The following ZNF585A variants were observed in gnomAD, a reference collection of about 807,000 sequenced individuals.
ZNF585A encodes zinc finger protein 585A.
A neutral mutation model predicts 14.9 loss-of-function variants in ZNF585A; 9 were observed. The observed-to-expected ratio is 0.60, with a 90% CI of 0.36 to 1.05. The LOEUF is 1.05. Ranked by LOEUF, ZNF585A falls within the 50% of genes least tolerant of loss-of-function variation. ZNF585A has a pLI of 0.01. For synonymous variants in ZNF585A, 276 were observed against 319.9 expected (o/e 0.86, Z 1.46); for missense variants, 726 against 926.4 (o/e 0.78, Z 2.81).
rs775963031 is a variant in ZNF585A at position 37,151,105 on chromosome 19, T to A, written c.*484A>T. 3.4e-4 allele frequency: 123 copies of A among 363,902 alleles called. No individual in the cohort carries two copies. The highest frequency in any genetic ancestry group is 5.0e-4 in the Admixed American group (11 of 22,058). 22.5% of individuals were successfully genotyped at this position (363,902 alleles called of 1,614,324 possible). The stretch of plus-strand genomic sequence containing the variant: ...TATGACCAACTGTGGTAGATTCGAA[T>A]GAGAAAGAAAAACACCCAGGAGTCT... On this transcript the variant is annotated 3_prime_UTR_variant, in exon 5 of 5. Coordinates refer to ENST00000292841, the MANE Select transcript of ZNF585A (RefSeq NM_001288800.2).
intron 2 of ZNF585A, 145 bp from the exon 3 acceptor site, chr19:37,156,500 T>G (rs1259665711): frequency 5.2e-6 from 6 of 1,157,066 alleles, no homozygotes; most frequent in Non-Finnish European, 7.0e-6. Context: ...AATACTTTAT[T>G]ATGAAAATTT....
chr19:37,161,164 C>T (rs985199207), intron 2 of ZNF585A, among the ~76,000 whole-genome samples: 1 of 101,682 alleles, frequency 9.8e-6, no homozygotes, highest in Admixed American at 1.3e-4. Flanking sequence ...ATGTCAAAAT[C>T]AGACAAACAC....
chr19:37,158,249 C>T (rs899197794), intron 2 of ZNF585A, among the ~76,000 whole-genome samples: 4 of 152,100 alleles, frequency 2.6e-5, no homozygotes, highest in African/African-American at 9.7e-5. Context: ...AATTAAAATA[C>T]CACCATGTAT....
chr19:37,152,232 C>T lies in ZNF585A; in HGVS notation c.1667G>A (p.Gly556Glu). 1 of 1,613,926 alleles carries T rather than the reference C, an allele frequency of 6.2e-7. No homozygotes were observed. Among genetic ancestry groups the T allele is most frequent in the Non-Finnish European group, 8.5e-7 (1 of 1,179,988 alleles). The part of the protein sequence containing the change: ...GERQYECHEC[G>E]KAFNQKSILI... ...TATTGATTTCTGGTTGAAGGCTTTCCCACATTCGTGGCATTCATACTGTCT... is the reference window on the plus strand; with the variant it reads ...TATTGATTTCTGGTTGAAGGCTTTCTCACATTCGTGGCATTCATACTGTCT... The change falls in exon 5 of 5, where the codon GGG becomes GAG. Residue 556 changes from glycine to glutamate, a missense_variant. Coordinates refer to ENST00000292841, the MANE Select transcript of ZNF585A (RefSeq NM_001288800.2).
chr19:37,148,425 G>C lies in ZNF585A; in HGVS notation c.*3164C>G, dbSNP rs1224766274. The C allele has an allele frequency of 6.6e-6, 1 of 150,398 alleles. No individual in the cohort carries two copies. Among genetic ancestry groups the C allele is most frequent in the Non-Finnish European group, 1.5e-5 (1 of 67,786 alleles). The allele number at this position is 150,398 out of a possible 1,614,324, so 9.3% of individuals were successfully genotyped here. On this transcript the variant is annotated 3_prime_UTR_variant, in exon 5 of 5. Transcript: ENST00000292841. The stretch of plus-strand genomic sequence containing the variant: ...ACACACACACACACACACACACAAG[G>C]ACTCCACTTATACAATATTATGGAA...
At chr19:37,154,862 T>C (rs1339234516) in intron 4 of ZNF585A, among the ~76,000 whole-genome samples, 2 of 145,038 alleles carry the variant, frequency 1.4e-5, no homozygotes, top group Non-Finnish European at 3.0e-5. Context: ...GGAGTGGGAG[T>C]GGGTGACACA....
chr19:37,158,118 C>T (rs989194104), intron 2 of ZNF585A, among the ~76,000 whole-genome samples: 2 of 152,146 alleles, frequency 1.3e-5, no homozygotes, highest in East Asian at 1.9e-4. Flanking sequence ...GATCTCCTGA[C>T]CTCACGATCT....
chr19:37,151,064 C>G lies in ZNF585A; in HGVS notation c.*525G>C. Reference sequence around the variant, plus strand: ...TAGCATCTCTTTCTTGATAGAAATACTGAATGAGGGTTGGATATGACCAAC... The same window carrying G: ...TAGCATCTCTTTCTTGATAGAAATAGTGAATGAGGGTTGGATATGACCAAC... On this transcript the variant is annotated 3_prime_UTR_variant, in exon 5 of 5. Coordinates refer to ENST00000292841, the MANE Select transcript of ZNF585A (RefSeq NM_001288800.2). 3.5e-6 allele frequency: 1 copy of G among 287,550 alleles called. No individual in the cohort carries two copies. The highest frequency in any genetic ancestry group is 6.4e-6 in the Non-Finnish European group (1 of 156,628). The allele number at this position is 287,550 out of a possible 1,614,324, so 17.8% of individuals were successfully genotyped here. A position where few individuals can be genotyped will look rare whatever the true frequency, so the allele number is the denominator to read the frequency against.
At chr19:37,170,229 C>T (rs1224400448) in intron 1 of ZNF585A, among the ~76,000 whole-genome samples, 175 bp from the exon 2 acceptor site, 1 of 152,302 alleles carries the variant, frequency 6.6e-6, no homozygotes, top group Admixed American at 6.5e-5. Flanking sequence ...AATTCTCAGC[C>T]TACTCCACAG....
chr19:37,166,517 T>C (rs944379990), intron 2 of ZNF585A, among the ~76,000 whole-genome samples: 2 of 150,306 alleles, frequency 1.3e-5, no homozygotes, highest in Non-Finnish European at 3.0e-5. Context: ...TTCCACCACG[T>C]TGGCCAGGAT....
rs747909124 is a variant in ZNF585A at position 37,152,863 on chromosome 19, T to C, written c.1036A>G (p.Lys346Glu). 1 of 1,614,236 alleles carries C rather than the reference T, an allele frequency of 6.2e-7. No individual in the cohort carries two copies. The highest frequency in any genetic ancestry group is 1.1e-5 in the South Asian group (1 of 91,084). The change falls in exon 5 of 5, where the codon AAA (lysine) becomes GAA (glutamate). Residue 346 changes from lysine (K) to glutamate (E), a missense_variant. Lys to Glu is a moderately conservative substitution (Grantham distance 56, BLOSUM62 1). This residue lies in a region of ZNF585A where 483 missense variants were observed against 542.8 expected (regional missense o/e 0.89). Coordinates refer to ENST00000292841, the MANE Select transcript of ZNF585A (RefSeq NM_001288800.2). The part of the protein sequence containing the change: ...SNNSNLVTHK[K>E]VQSREKSSIC... ...GAAGATTTCTCTCTACTTTGAACTT[T>C]CTTATGTGTAACGAGGTTGGAATTA...
chr19:37,172,121 C>T (rs1972192663), intron 1 of ZNF585A, among the ~76,000 whole-genome samples: 1 of 152,042 alleles, frequency 6.6e-6, no homozygotes, highest in Non-Finnish European at 1.5e-5. Flanking sequence ...TACACTGTTT[C>T]TATGTAATAG....
In ZNF585A at chr19:37,148,949, G is replaced by A. The variant is rs1172950094; in HGVS notation, c.*2640C>T. The A allele has an allele frequency of 6.6e-6, 1 of 152,106 alleles. No individual in the cohort carries two copies. The highest frequency in any genetic ancestry group is 1.5e-5 in the Non-Finnish European group (1 of 67,986). The allele number at this position is 152,106 out of a possible 1,614,324, so 9.4% of individuals were successfully genotyped here. ...CAACTATATGATATAAAAGATCAAA[G>A]GTAAAACTATGGAGACAGAAAAAAT... On this transcript the variant is annotated 3_prime_UTR_variant, in exon 5 of 5. Transcript: ENST00000292841.
At position 37,147,690 on chromosome 19, in the gene ZNF585A, C is replaced by A. The variant is rs986102186; in HGVS notation, c.*3899G>T. ...TATGCTATATAACATACTGTAGACA[C>A]AATTTTCTATAGTATGTAATGACAG... On this transcript the variant is annotated 3_prime_UTR_variant, in exon 5 of 5. Coordinates refer to ENST00000292841, the MANE Select transcript of ZNF585A (RefSeq NM_001288800.2). 2.0e-5 allele frequency: 3 copies of A among 152,032 alleles called. No individual in the cohort carries two copies. Among genetic ancestry groups the A allele is most frequent in the African/African-American group, 7.2e-5 (3 of 41,388 alleles). 9.4% of individuals were successfully genotyped at this position (152,032 alleles called of 1,614,324 possible).
chr19:37,168,475 G>A (rs1217330744), intron 2 of ZNF585A, among the ~76,000 whole-genome samples: 2 of 152,160 alleles, frequency 1.3e-5, no homozygotes, highest in South Asian at 2.1e-4. Context: ...TTATACTTGA[G>A]CACAGACAAA....
intron 2 of ZNF585A, among the ~76,000 whole-genome samples, chr19:37,157,965 C>G (rs933538141): frequency 6.6e-6 from 1 of 151,380 alleles, no homozygotes; most frequent in Non-Finnish European, 1.5e-5. Flanking sequence ...CTCGGCTCAC[C>G]GCAACCTCCA....
chr19:37,170,842 G>A (rs992844076), intron 1 of ZNF585A, among the ~76,000 whole-genome samples: 2 of 152,116 alleles, frequency 1.3e-5, no homozygotes, highest in African/African-American at 4.8e-5. Flanking sequence ...AATTAAATGA[G>A]ATAATACTTG....
At chr19:37,154,806 A>AAT (rs1971897857) in intron 4 of ZNF585A, among the ~76,000 whole-genome samples, 4 of 151,002 alleles carry the variant, frequency 2.6e-5, no homozygotes, top group South Asian at 4.2e-4. Context: ...AAAAAAAAAA[A>AAT]AGAAAGAAAA....
At chr19:37,165,526 T>C (rs964623082) in intron 2 of ZNF585A, 1 of 476,104 alleles carries the variant, frequency 2.1e-6, no homozygotes, top group Admixed American at 6.4e-5. Context: ...AATTTTAGTT[T>C]TGACTTTGGC....
Sources: allele counts gnomAD v4.1 joint callset (sites outside exome capture counted in the v4.1 genomes callset), GRCh38; gene constraint gnomAD v4.1.1; regional missense constraint gnomAD v4.1.1; transcripts MANE v1.5; gene names NCBI Gene and HGNC (gene_info 2026-07-23, HGNC 2026-07-21).